KHDRBS2: variants seen among roughly 807,000 people sequenced by gnomAD.
KHDRBS2 encodes KH domain-containing, RNA-binding, signal transduction-associated protein 2.
KHDRBS2 carries 26 observed loss-of-function variants against 44.3 expected under a neutral mutation model. The observed-to-expected ratio is 0.59, with a 90% CI of 0.43 to 0.81. The LOEUF is 0.81. KHDRBS2 is among the 40% of genes least tolerant of loss of function. KHDRBS2 has a pLI of 0.00. For missense variants in KHDRBS2, 476 were observed against 433.1 expected, an observed-to-expected ratio of 1.10 and a Z score of -0.88; for synonymous variants, 194 against 151.1, an observed-to-expected ratio of 1.28 and a Z score of -2.08.
intron 4 of KHDRBS2, among the ~76,000 whole-genome samples, chr6:61,934,991 T>A (rs1810769377): frequency 6.6e-6 from 1 of 152,210 alleles, no homozygotes; most frequent in African/African-American, 2.4e-5. Context: ...TCTTCCATTC[T>A]CTCTCACAAT....
chr6:62,119,821 T>G (rs1002723683), intron 2 of KHDRBS2, among the ~76,000 whole-genome samples: 1 of 152,108 alleles, frequency 6.6e-6, no homozygotes, highest in Non-Finnish European at 1.5e-5. Flanking sequence ...CTTGAGGCAG[T>G]TGCCAGGCAA....
chr6:62,162,143 T>C (rs1280448556), intron 2 of KHDRBS2, among the ~76,000 whole-genome samples: 1 of 152,038 alleles, frequency 6.6e-6, no homozygotes, highest in Non-Finnish European at 1.5e-5. Context: ...AATACTAGCT[T>C]TTATAATTGC....
chr6:61,837,414 G>A (rs1792866706), intron 6 of KHDRBS2, among the ~76,000 whole-genome samples: 1 of 151,932 alleles, frequency 6.6e-6, no homozygotes, highest in Admixed American at 6.6e-5. Context: ...TTGTTTTACT[G>A]GAGGAGAGTG....
intron 6 of KHDRBS2, among the ~76,000 whole-genome samples, chr6:61,735,811 A>C (rs1420472775): frequency 6.6e-6 from 1 of 152,130 alleles, no homozygotes; most frequent in Non-Finnish European, 1.5e-5. Flanking sequence ...GGCTGAAAAA[A>C]AATGACTTTT....
chr6:61,925,894 C>T (rs1252087908), intron 4 of KHDRBS2, among the ~76,000 whole-genome samples: 2 of 151,954 alleles, frequency 1.3e-5, no homozygotes, highest in Non-Finnish European at 2.9e-5. Context: ...TTATTGAGTA[C>T]TTATTAGATA....
intron 4 of KHDRBS2, among the ~76,000 whole-genome samples, chr6:61,945,148 T>TATATAC (rs1554284651): frequency 1.4e-5 from 1 of 71,450 alleles, no homozygotes; most frequent in Non-Finnish European, 3.1e-5. Flanking sequence ...TATATATATA[T>TATATAC]ATACACACAG....
At chr6:61,746,574 G>A (rs1776890368) in intron 6 of KHDRBS2, among the ~76,000 whole-genome samples, 1 of 152,066 alleles carries the variant, frequency 6.6e-6, no homozygotes, top group South Asian at 2.1e-4. Flanking sequence ...CATTTGAGTT[G>A]TTCCATGATT....
the KHDRBS2 span, among the ~76,000 whole-genome samples, chr6:61,615,235 A>AAAAAG: frequency 7.0e-6 from 1 of 142,944 alleles, no homozygotes; most frequent in African/African-American, 2.8e-5. Context: ...TCCATCTCCA[A>AAAAAG]AAAAAAAAAA....
At chr6:61,635,811 C>A in the KHDRBS2 span, among the ~76,000 whole-genome samples, 1 of 151,958 alleles carries the variant, frequency 6.6e-6, no homozygotes, top group African/African-American at 2.4e-5. Flanking sequence ...TTCTAGGTCA[C>A]TGGAGATTTA....
At chr6:62,214,909 GTTC>G (rs1554483463) in intron 1 of KHDRBS2, among the ~76,000 whole-genome samples, 2 of 151,854 alleles carry the variant, frequency 1.3e-5, no homozygotes, top group Non-Finnish European at 2.9e-5. Flanking sequence ...CCAACTGTAC[GTTC>G]TTCTTCATTT....
chr6:62,172,223 T>C (rs1820153740), intron 2 of KHDRBS2, among the ~76,000 whole-genome samples: 1 of 152,056 alleles, frequency 6.6e-6, no homozygotes, highest in Non-Finnish European at 1.5e-5. Context: ...AGTAATGGGA[T>C]GGAGAAAAAT....
intron 2 of KHDRBS2, among the ~76,000 whole-genome samples, chr6:62,100,227 T>C (rs1213986466): frequency 7.2e-5 from 11 of 152,218 alleles, no homozygotes; most frequent in Non-Finnish European, 1.6e-4. Flanking sequence ...AGCTTGAAGA[T>C]GTGACTGAAT....
chr6:62,038,549 A>G (rs1028067572), intron 3 of KHDRBS2, among the ~76,000 whole-genome samples: 21 of 152,108 alleles, frequency 1.4e-4, no homozygotes, highest in African/African-American at 4.8e-4. Flanking sequence ...AACTGGTAAG[A>G]AAATAGATCA....
At chr6:61,605,780 C>T in the KHDRBS2 span, among the ~76,000 whole-genome samples, 1 of 152,100 alleles carries the variant, frequency 6.6e-6, no homozygotes, top group Non-Finnish European at 1.5e-5. Flanking sequence ...AACACTTTAC[C>T]ACTATTTCAT....
intron 6 of KHDRBS2, among the ~76,000 whole-genome samples, chr6:61,868,441 G>A (rs964699361): frequency 6.6e-6 from 1 of 152,158 alleles, no homozygotes; most frequent in Non-Finnish European, 1.5e-5. Context: ...CAGTGAGGAG[G>A]AATGAATCAG....
the KHDRBS2 span, among the ~76,000 whole-genome samples, chr6:61,589,526 A>G: frequency 1.4e-3 from 213 of 152,332 alleles, no homozygotes; most frequent in African/African-American, 4.9e-3. Context: ...TACTTATTGT[A>G]CAAGTTTCTC....
intron 3 of KHDRBS2, among the ~76,000 whole-genome samples, chr6:62,043,250 ACT>A (rs747686276): frequency 1.3e-5 from 2 of 151,886 alleles, no homozygotes; most frequent in Non-Finnish European, 2.9e-5. Context: ...AAATAGCAAC[ACT>A]CTATCTGAAG....
the KHDRBS2 span, among the ~76,000 whole-genome samples, chr6:61,671,310 C>T: frequency 6.6e-6 from 1 of 151,608 alleles, no homozygotes; most frequent in Admixed American, 6.6e-5. Context: ...GGAACAGGAA[C>T]TTAAGATTAG....
intron 1 of KHDRBS2, among the ~76,000 whole-genome samples, chr6:62,229,307 G>A (rs1227813839): frequency 2.6e-5 from 4 of 152,140 alleles, no homozygotes; most frequent in Admixed American, 6.5e-5. Flanking sequence ...CGGCTCCTGC[G>A]TTGAGCTGTG....
Sources: allele counts gnomAD v4.1 joint callset (sites outside exome capture counted in the v4.1 genomes callset), GRCh38; gene constraint gnomAD v4.1.1; transcripts MANE v1.5; gene names NCBI Gene and HGNC (gene_info 2026-07-23, HGNC 2026-07-21).